The following DACT3 variants were observed in gnomAD, a reference collection of about 807,000 sequenced individuals.
The protein encoded by DACT3 is dishevelled binding antagonist of beta catenin 3.
A neutral mutation model predicts 19.6 loss-of-function variants in DACT3; 5 were observed. The observed-to-expected ratio is 0.26, with a 90% confidence interval of 0.13 to 0.54. The LOEUF is 0.54. Ranked by LOEUF, DACT3 falls within the 20% of genes least tolerant of loss-of-function variation. The probability of loss-of-function intolerance (pLI) is 0.95; values close to 1 mark genes in which losing one functional copy is unlikely to be tolerated. For synonymous variants in DACT3, 454 were observed against 428.1 expected, an observed-to-expected ratio of 1.06 and a Z score of -0.75; for missense variants, 908 against 927.4, an observed-to-expected ratio of 0.98 and a Z score of 0.27.
At chr19:46,649,920 C>T in intron 3 of DACT3, 48 bp from the exon 4 acceptor site, 2 of 1,316,706 alleles carry the variant, frequency 1.5e-6, no homozygotes. Context: ...AGTGGAGGGG[C>T]TCTCAAAGTC....
At position 46,647,771 on chromosome 19, in the gene DACT3, C is replaced by T. The variant is rs932773616; in HGVS notation, c.*711G>A. On this transcript the variant is annotated 3_prime_UTR_variant, in exon 4 of 4. Coordinates refer to ENST00000391916, the MANE Select transcript of DACT3 (RefSeq NM_145056.3). Reference sequence around the variant, plus strand: ...CAGCTGAGGGTCATCAGGCTTCCCCCATTCCCTCTCACAGGGAGTGGGGGT... The same window carrying T: ...CAGCTGAGGGTCATCAGGCTTCCCCTATTCCCTCTCACAGGGAGTGGGGGT... 1.3e-5 allele frequency: 2 copies of T among 152,478 alleles called. No individual in the cohort carries two copies. The highest frequency in any genetic ancestry group is 2.9e-5 in the Non-Finnish European group (2 of 67,996). 9.4% of individuals were successfully genotyped at this position (152,478 alleles called of 1,614,324 possible).
chr19:46,650,053 G>T, intron 3 of DACT3, 181 bp from the exon 4 acceptor site: 1 of 653,394 alleles, frequency 1.5e-6, no homozygotes, highest in Admixed American at 4.5e-5. Flanking sequence ...ATCTTTACAG[G>T]GTCCTACAAG....
At chr19:46,653,269 C>T (rs544634769) in intron 1 of DACT3, among the ~76,000 whole-genome samples, 194 bp from the exon 2 acceptor site, 46 of 152,270 alleles carry the variant, frequency 3.0e-4, no homozygotes, top group Middle Eastern at 3.4e-3. Flanking sequence ...GTCCTTCTGA[C>T]GTTCCAACTC....
At chr19:46,657,033 C>A (rs947155818) in intron 1 of DACT3, among the ~76,000 whole-genome samples, 1 of 152,150 alleles carries the variant, frequency 6.6e-6, no homozygotes, top group African/African-American at 2.4e-5. Context: ...AAAAGCTCTA[C>A]GTTTTTTGGT....
At position 46,648,460 on chromosome 19, in the gene DACT3, G is replaced by T; in HGVS notation, c.*22C>A. 1 of 1,613,744 alleles carries T rather than the reference G, an allele frequency of 6.2e-7. No homozygotes were observed. The highest frequency in any genetic ancestry group is 8.5e-7 in the Non-Finnish European group (1 of 1,179,816). On this transcript the variant is annotated 3_prime_UTR_variant, in exon 4 of 4. Transcript: ENST00000391916. The surrounding 1 kb of genome is among the most constrained non-coding windows in gnomAD (Gnocchi z 5.1). The stretch of plus-strand genomic sequence containing the variant: ...TGGAGGTGCAGAGGCCATGAAGGGG[G>T]AGCCCAAGCAAATCCCCAAACTCAC...
At chr19:46,654,803 G>A (rs996600648) in intron 1 of DACT3, 11 of 985,436 alleles carry the variant, frequency 1.1e-5, no homozygotes, top group African/African-American at 1.7e-5. Flanking sequence ...AAGACTGGCC[G>A]GCTCCCCGGC....
chr19:46,659,288 A>C, intron 1 of DACT3: 8 of 979,262 alleles, frequency 8.2e-6, no homozygotes, highest in Non-Finnish European at 9.7e-6. Flanking sequence ...GGGAGGACAG[A>C]GGGCTGAGGG....
rs1328140648 is a variant in DACT3 at position 46,657,632 on chromosome 19, C to T, written c.249+3184G>A. 7.2e-5 allele frequency among the ~76,000 whole-genome samples: 11 copies of T among 151,796 alleles called. No individual in the cohort carries two copies. The East Asian group carries it at 9.8e-4, about 14-fold the overall frequency. On this transcript the variant is annotated intron_variant, in intron 1 of 3. Transcript: ENST00000391916. ...CCTCCCAAAGTGCTGGAATTACAGGCGTGAGCCACCGCGCCCGGCCAATGA... is the reference window on the plus strand; with the variant it reads ...CCTCCCAAAGTGCTGGAATTACAGGTGTGAGCCACCGCGCCCGGCCAATGA...
chr19:46,655,893 G>T (rs1172170607), intron 1 of DACT3, among the ~76,000 whole-genome samples: 1 of 139,448 alleles, frequency 7.2e-6, no homozygotes, highest in African/African-American at 2.7e-5. Context: ...GCGACATAGT[G>T]AGACCCAGTC....
chr19:46,648,566 G>A lies in DACT3; in HGVS notation c.1806C>T (p.Phe602=), dbSNP rs1235113533. The A allele has an allele frequency of 1.2e-6, 2 of 1,613,754 alleles. No homozygotes were observed. The highest frequency in any genetic ancestry group is 2.7e-5 in the African/African-American group (2 of 74,924). The change falls in exon 4 of 4, where the codon TTC becomes TTT. Residue 602 remains phenylalanine (F), a synonymous_variant. Coordinates refer to ENST00000391916, the MANE Select transcript of DACT3 (RefSeq NM_145056.3). This position sits in a 1 kb window ranked among gnomAD's most constrained non-coding sequence, Gnocchi z 5.1. ...AGAPAGPAKV[F]VKIKASHALK... is the part of the protein sequence containing the mutation. ...GCGCGTGGGAAGCTTTGATTTTCACGAAGACTTTGGCGGGGCCTGCGGGCG... is the reference window on the plus strand; with the variant it reads ...GCGCGTGGGAAGCTTTGATTTTCACAAAGACTTTGGCGGGGCCTGCGGGCG...
At chr19:46,659,961 A>T (rs756997313) in intron 1 of DACT3, among the ~76,000 whole-genome samples, 2 of 152,170 alleles carry the variant, frequency 1.3e-5, no homozygotes, top group Non-Finnish European at 2.9e-5. Context: ...GCAGACACAG[A>T]AAGTCACAGG....
At chr19:46,652,930 G>A (rs753588860) in intron 2 of DACT3, 49 bp downstream of exon 2, 1 of 1,547,188 alleles carries the variant, frequency 6.5e-7, no homozygotes, top group South Asian at 1.2e-5. Context: ...AGGGATACGG[G>A]GAACATGGAG....
intron 1 of DACT3, chr19:46,655,135 C>T (rs1052949673): frequency 1.1e-5 from 9 of 846,996 alleles, no homozygotes; most frequent in East Asian, 1.2e-4. Flanking sequence ...CACCGTCCCT[C>T]GAACATACCA....
rs758180200 is a variant in DACT3 at position 46,648,665 on chromosome 19, G to T, written c.1707C>A (p.Gly569=). Residue 569 remains glycine, a synonymous_variant, in exon 4 of 4, where the codon GGC becomes GGA. Coordinates refer to ENST00000391916, the MANE Select transcript of DACT3 (RefSeq NM_145056.3). The surrounding 1 kb of genome is among the most constrained non-coding windows in gnomAD (Gnocchi z 5.1). ...GCTGCGGCCACACGAGGCCACCGCTGCCGTCTGAGTCGCTGGAGGCAGAGC... is the reference window on the plus strand; with the variant it reads ...GCTGCGGCCACACGAGGCCACCGCTTCCGTCTGAGTCGCTGGAGGCAGAGC... ...AFSSASSDSD[G]SGGLVWPQQL... 1 of 1,612,266 alleles carries T rather than the reference G, an allele frequency of 6.2e-7. No homozygotes were observed. Among genetic ancestry groups the T allele is most frequent in the South Asian group, 1.1e-5 (1 of 91,058 alleles).
chr19:46,652,806 T>C lies in DACT3; in HGVS notation c.353A>G (p.Tyr118Cys), dbSNP rs926014780. The change falls in exon 3 of 4, where the codon TAT becomes TGT. Residue 118 changes from tyrosine (Y) to cysteine (C), a missense_variant. Coordinates refer to ENST00000391916, the MANE Select transcript of DACT3 (RefSeq NM_145056.3). ...ACCTCCTGTAGAGCTGGGATCTTCA[T>C]AGAAGCCTAAATTTCCAGGAGAAGC... Reference protein sequence around the residue: ...EQESGRSSGFYEDPSSTGGPD... With the variant: ...EQESGRSSGFCEDPSSTGGPD... 16 of 1,549,050 alleles carry C rather than the reference T, an allele frequency of 1.0e-5. No homozygotes were observed. Among genetic ancestry groups the C allele is most frequent in the East Asian group, 2.4e-5 (1 of 40,872 alleles).
chr19:46,654,396 G>T (rs547769587), intron 1 of DACT3: 1 of 559,570 alleles, frequency 1.8e-6, no homozygotes, highest in East Asian at 1.5e-4. Flanking sequence ...TGAGGCGGGA[G>T]GATTGCTTGA....
chr19:46,656,293 G>A (rs1172403964), intron 1 of DACT3, among the ~76,000 whole-genome samples: 7 of 151,678 alleles, frequency 4.6e-5, no homozygotes, highest in Admixed American at 2.0e-4. Flanking sequence ...CAAGTCATCC[G>A]CCCACCTCAG....
chr19:46,648,225 G>A lies in DACT3; in HGVS notation c.*257C>T, dbSNP rs925702909. ...TTACTGTACAGATGAGGAAAGTGAC[G>A]CCCAGAGAAGGGGAACTGTCTTGCC... On this transcript the variant is annotated 3_prime_UTR_variant, in exon 4 of 4. Coordinates refer to ENST00000391916, the MANE Select transcript of DACT3 (RefSeq NM_145056.3). The surrounding 1 kb of genome is among the most constrained non-coding windows in gnomAD (Gnocchi z 5.1). 1.8e-6 allele frequency: 1 copy of A among 561,458 alleles called. No homozygotes were observed. The highest frequency in any genetic ancestry group is 3.2e-6 in the Non-Finnish European group (1 of 315,994). The allele number at this position is 561,458 out of a possible 1,614,324, so 34.8% of individuals were successfully genotyped here. A position where few individuals can be genotyped will look rare whatever the true frequency, so the allele number is the denominator to read the frequency against.
At position 46,649,178 on chromosome 19, in the gene DACT3, C is replaced by A; in HGVS notation, c.1194G>T (p.Arg398=). The A allele has an allele frequency of 3.3e-6, 4 of 1,214,580 alleles. No individual in the cohort carries two copies. Among genetic ancestry groups the A allele is most frequent in the Non-Finnish European group, 4.1e-6 (4 of 977,354 alleles). 75.2% of individuals were successfully genotyped at this position (1,214,580 alleles called of 1,614,324 possible). ...VEQSPPRERP[R]AAGRRGRMAE... is the part of the protein sequence containing the mutation. ...CCATGCGTCCACGGCGGCCGGCGGC[C>A]CGGGGACGCTCCCGGGGTGGTGACT... Residue 398 remains arginine, a synonymous_variant, in exon 4 of 4, where the codon CGG becomes CGT. Transcript: ENST00000391916.
Sources: gnomAD v4.1 joint callset for allele counts (sites outside exome capture counted in the v4.1 genomes callset) on GRCh38, gnomAD v4.1.1 for gene constraint, Gnocchi (gnomAD v3.1) non-coding constraint, MANE v1.5 for transcripts, NCBI Gene and HGNC (gene_info 2026-07-23, HGNC 2026-07-21) for gene names.